Variants in PRDM15 observed in about 807,000 individuals in gnomAD.
PRDM15 encodes PR/SET domain 15.
Under a neutral mutation model 128.6 loss-of-function variants are expected in PRDM15, and 64 were observed. The ratio of observed to expected loss-of-function variants is 0.50; its 90% CI spans 0.41 to 0.61. The LOEUF is 0.61. PRDM15 is among the 20% of genes least tolerant of loss of function. The probability of loss-of-function intolerance (pLI) is 0.00; values close to 1 mark genes in which losing one functional copy is unlikely to be tolerated. For missense variants in PRDM15, 1,242 were observed against 1,569.1 expected, an observed-to-expected ratio of 0.79 and a Z score of 3.52; for synonymous variants, 615 against 621.8, an observed-to-expected ratio of 0.99 and a Z score of 0.16.
intron 18 of PRDM15, among the ~76,000 whole-genome samples, chr21:41,816,354 G>T (rs1387615930): frequency 6.6e-6 from 1 of 152,244 alleles, no homozygotes; most frequent in Non-Finnish European, 1.5e-5. Context: ...CTGAGTCAGA[G>T]GTTGTGGTGC....
intron 13 of PRDM15, among the ~76,000 whole-genome samples, chr21:41,825,693 G>T (rs1477644154): frequency 6.6e-6 from 1 of 152,210 alleles, no homozygotes; most frequent in East Asian, 1.9e-4. Context: ...AGCAGCTCAG[G>T]AGGAAAATCA....
At chr21:41,848,719 A>T (rs1284428533) in intron 5 of PRDM15, among the ~76,000 whole-genome samples, 1 of 152,180 alleles carries the variant, frequency 6.6e-6, no homozygotes. Flanking sequence ...TCCAGCAATA[A>T]GCCTCCACAC....
At chr21:41,826,740 T>C (rs2146456632) in intron 12 of PRDM15, among the ~76,000 whole-genome samples, 1 of 152,296 alleles carries the variant, frequency 6.6e-6, no homozygotes, top group East Asian at 1.9e-4. Flanking sequence ...CTCAGCAAAC[T>C]GGACGTTGGA....
chr21:41,843,346 T>C (rs889190051), intron 6 of PRDM15, among the ~76,000 whole-genome samples: 2 of 152,218 alleles, frequency 1.3e-5, no homozygotes. Flanking sequence ...TGCTCCAATC[T>C]GGACCAGTTA....
chr21:41,843,726 T>C (rs1459757113), intron 6 of PRDM15, among the ~76,000 whole-genome samples: 1 of 152,198 alleles, frequency 6.6e-6, no homozygotes, highest in Non-Finnish European at 1.5e-5. Context: ...TGGGTGGCAA[T>C]GTCCCTGCCA....
At position 41,862,959 on chromosome 21, in the gene PRDM15, A is replaced by T. The variant is rs117889957; in HGVS notation, c.-9-2587T>A. Among the ~76,000 whole-genome samples, 2,695 of 152,214 alleles carry T rather than the reference A, an allele frequency of 0.018. 49 individuals are homozygous for T. The highest frequency in any genetic ancestry group is 0.071 in the East Asian group (364 of 5,150). On this transcript the variant is annotated intron_variant, in intron 1 of 23. Coordinates refer to ENST00000398548, the MANE Select transcript of PRDM15 (RefSeq NM_001040424.3). The surrounding 1 kb of genome is among the most constrained non-coding windows in gnomAD (Gnocchi z 4.1). ...TGAGGACGGGCGATCACTTCAGGTC[A>T]GGAGTTCGAGACCAGCCTGGCCGAC... is the stretch of plus-strand genomic sequence containing the variant.
chr21:41,828,917 C>T lies in PRDM15; in HGVS notation c.1367-584G>A, dbSNP rs988234042. On this transcript the variant is annotated intron_variant, in intron 11 of 23. Coordinates refer to ENST00000398548, the MANE Select transcript of PRDM15 (RefSeq NM_001040424.3). The surrounding 1 kb of genome is among the most constrained non-coding windows in gnomAD (Gnocchi z 5.7). Reference sequence around the variant, plus strand: ...ATCACACACCACACAAATACAAACACACTCAACACACACCCCCCACACAAA... The same window carrying T: ...ATCACACACCACACAAATACAAACATACTCAACACACACCCCCCACACAAA... Among the ~76,000 whole-genome samples the T allele has an allele frequency of 3.3e-5, 5 of 151,398 alleles. No homozygotes were observed. The highest frequency in any genetic ancestry group is 9.7e-5 in the African/African-American group (4 of 41,060).
In PRDM15 at chr21:41,800,913, A is replaced by G. The variant is rs866462339; in HGVS notation, c.*327T>C. 2.7e-5 allele frequency: 8 copies of G among 292,606 alleles called. 1 individual carries two copies. The Middle Eastern group carries it at 3.8e-3, about 139-fold the overall frequency. The allele number at this position is 292,606 out of a possible 1,614,324, so 18.1% of individuals were successfully genotyped here. On this transcript the variant is annotated 3_prime_UTR_variant, in exon 24 of 24. Transcript: ENST00000398548. Reference sequence around the variant, plus strand: ...CCTCTTAAAATCCTGCTTCTCTCTCAGCTTCACTTTCCCGAACCCTGTGTC... The same window carrying G: ...CCTCTTAAAATCCTGCTTCTCTCTCGGCTTCACTTTCCCGAACCCTGTGTC...
intron 1 of PRDM15, chr21:41,878,764 A>G: frequency 6.7e-7 from 1 of 1,485,968 alleles, no homozygotes; most frequent in Non-Finnish European, 8.9e-7. Context: ...CATGGGCTGT[A>G]CCCGAGGGCG....
chr21:41,801,634 G>A lies in PRDM15; in HGVS notation c.3032C>T (p.Ala1011Val), dbSNP rs145309149. The A allele has an allele frequency of 1.7e-5, 28 of 1,614,030 alleles. No individual in the cohort carries two copies. The highest frequency in any genetic ancestry group is 4.0e-5 in the African/African-American group (3 of 74,878). ...GAGATTGGTAAACTGAGTCGCGGCCGCAGTGGTGATGGGGGTCACGGTGAT... is the reference window on the plus strand; with the variant it reads ...GAGATTGGTAAACTGAGTCGCGGCCACAGTGGTGATGGGGGTCACGGTGAT... ...TNITVTPITT[A>V]AATQFTNLQP... The change falls in exon 24 of 24, where the codon GCG (alanine) becomes GTG (valine). Residue 1011 changes from alanine (A) to valine (V), a missense_variant. Ala to Val is a moderately conservative substitution (Grantham distance 64). Coordinates refer to ENST00000398548, the MANE Select transcript of PRDM15 (RefSeq NM_001040424.3).
intron 1 of PRDM15, chr21:41,867,481 G>A (rs1180299849): frequency 3.4e-6 from 3 of 881,054 alleles, no homozygotes; most frequent in East Asian, 5.0e-5. Flanking sequence ...TGCCCAGGCT[G>A]GAGCGCAGTG....
chr21:41,805,943 TACC>T (rs200942379), intron 21 of PRDM15, among the ~76,000 whole-genome samples: 5,804 of 135,394 alleles, frequency 0.043, 39 homozygotes, highest in African/African-American at 0.11. Context: ...TCAGTACCAC[TACC>T]ACCACGTGGC....
rs1194415347 is a variant in PRDM15, at chr21:41,836,640, A to G, written c.1011T>C (p.His337=). Residue 337 remains histidine (H), a synonymous_variant, in exon 9 of 24, where the codon CAT becomes CAC. Coordinates refer to ENST00000398548, the MANE Select transcript of PRDM15 (RefSeq NM_001040424.3). ...TDTSSVPKFT[H]HQNNTITLKR... ...TGAGCGTGATGGTGTTATTCTGATGATGGGTGAACCTGCCCAGGGACGTCA... is the reference window on the plus strand; with the variant it reads ...TGAGCGTGATGGTGTTATTCTGATGGTGGGTGAACCTGCCCAGGGACGTCA... 2.5e-6 allele frequency: 4 copies of G among 1,600,894 alleles called. No individual in the cohort carries two copies. Among genetic ancestry groups the G allele is most frequent in the African/African-American group, 1.3e-5 (1 of 74,492 alleles).
At position 41,806,951 on chromosome 21, in the gene PRDM15, C is replaced by CCACCACCATCAT. The variant is rs1388996135; in HGVS notation, c.2653-2349_2653-2338dup. On this transcript the variant is annotated intron_variant, in intron 21 of 23. Transcript: ENST00000398548. The stretch of plus-strand genomic sequence containing the variant: ...ACTATCACCATCACCACCACCATCT[C>CCACCACCATCAT]CACCACCATCATCACCACCATCAAC... Among the ~76,000 whole-genome samples the CCACCACCATCAT allele has an allele frequency of 2.2e-5, 3 of 135,470 alleles. No homozygotes were observed. The East Asian group carries it at 5.8e-4, about 26-fold the overall frequency. 88.9% of individuals were successfully genotyped at this position (135,470 alleles called of 152,430 possible).
chr21:41,856,010 T>C (rs868194950), intron 4 of PRDM15, among the ~76,000 whole-genome samples: 1 of 4,100 alleles, frequency 2.4e-4, no homozygotes, highest in Admixed American at 2.0e-3. Context: ...CCTTCCTTCC[T>C]TTCCTTCCCT....
chr21:41,847,301 G>T, intron 5 of PRDM15, 110 bp from the exon 6 acceptor site: 1 of 704,162 alleles, frequency 1.4e-6, no homozygotes, highest in South Asian at 1.9e-5. Flanking sequence ...TGATGACAGT[G>T]ATGACGGCAG....
chr21:41,803,711 GGCTGGA>G (rs1225769954), intron 22 of PRDM15, among the ~76,000 whole-genome samples: 1 of 152,070 alleles, frequency 6.6e-6, no homozygotes, highest in Non-Finnish European at 1.5e-5. Context: ...CTGGGGCTGG[GGCTGGA>G]GCCGCCGTAC....
At position 41,854,756 on chromosome 21, in the gene PRDM15, C is replaced by T; in HGVS notation, c.348G>A (p.Trp116Ter). 6.2e-7 allele frequency: 1 copy of T among 1,612,482 alleles called. No homozygotes were observed. The highest frequency in any genetic ancestry group is 8.5e-7 in the Non-Finnish European group (1 of 1,179,058). ...CCGCCGCTGGCCGCACCAGCATCAT[C>T]CAGTTGCAGTCATCCTCGTTGGAGG... ...FDTSNEDDCN[W>*]MMLVRPAAEA... The change falls in exon 5 of 24, where the codon TGG (tryptophan) becomes TGA (stop). Residue 116 changes from tryptophan (W) to a stop codon, truncating the protein, a stop_gained. Coordinates refer to ENST00000398548, the MANE Select transcript of PRDM15 (RefSeq NM_001040424.3). LOFTEE classifies it high-confidence loss of function. The surrounding 1 kb of genome is among the most constrained non-coding windows in gnomAD (Gnocchi z 4.6).
chr21:41,854,550 G>C lies in PRDM15; in HGVS notation c.538+16C>G, dbSNP rs746897757. 2 of 1,611,080 alleles carry C rather than the reference G, an allele frequency of 1.2e-6. No individual in the cohort carries two copies. Among genetic ancestry groups the C allele is most frequent in the Non-Finnish European group, 1.7e-6 (2 of 1,179,822 alleles). ...CACAAGGGAAGGTGGGCTCCGGATC[G>C]GGGGCCGCCACATACCGTGGACGCC... On this transcript the variant is annotated intron_variant, in intron 5 of 23. Transcript: ENST00000398548. This position sits in a 1 kb window ranked among gnomAD's most constrained non-coding sequence, Gnocchi z 4.6.
Sources: gnomAD v4.1 joint callset for allele counts (sites outside exome capture counted in the v4.1 genomes callset) on GRCh38, gnomAD v4.1.1 for gene constraint, Gnocchi (gnomAD v3.1) non-coding constraint, MANE v1.5 for transcripts, NCBI Gene and HGNC (gene_info 2026-07-23, HGNC 2026-07-21) for gene names.